The following MSN variants were observed in gnomAD, a reference collection of about 807,000 sequenced individuals.
MSN encodes moesin.
In MSN, 2 loss-of-function variants were observed where a neutral mutation model predicts 48.0. That is an observed-to-expected ratio of 0.04 (90% CI 0.02 to 0.13). The LOEUF (loss-of-function observed/expected upper bound fraction) is 0.13, where lower values mean the gene tolerates loss of function less well. Among genes scored for constraint, MSN ranks in the 10% least tolerant of loss-of-function variants. The pLI, the probability that MSN is intolerant of heterozygous loss-of-function variation, is 1.00. For missense variants in MSN, 267 were observed against 470.1 expected (o/e 0.57, Z 3.99); for synonymous variants, 146 against 166.9 (o/e 0.87, Z 0.97).
chrX:65,661,003 A>C (rs997802545), intron 1 of MSN, among the ~76,000 whole-genome samples: 4 of 105,900 alleles, frequency 3.8e-5, no homozygotes, highest in Non-Finnish European at 7.8e-5. Context: ...TTCCTCTGTC[A>C]CCCAGGCTGG....
chrX:65,608,765 G>T (rs528080381), intron 1 of MSN, among the ~76,000 whole-genome samples: 2 of 111,175 alleles, frequency 1.8e-5, no homozygotes, highest in African/African-American at 6.5e-5. Context: ...CCTCAGCCAT[G>T]TCTCTCTGAA....
chrX:65,614,527 T>C (rs1469828912), intron 1 of MSN, among the ~76,000 whole-genome samples: 2 of 108,828 alleles, frequency 1.8e-5, no homozygotes, highest in South Asian at 4.0e-4. Flanking sequence ...TTTCCCTTTG[T>C]TGTGTCCTCT....
At chrX:65,614,231 T>C (rs1260948990) in intron 1 of MSN, among the ~76,000 whole-genome samples, 2 of 111,783 alleles carry the variant, frequency 1.8e-5, no homozygotes, top group African/African-American at 6.5e-5. Context: ...TTGGTCTATA[T>C]ATCTGTTTTG....
At chrX:65,645,437 G>A (rs1042357975) in intron 1 of MSN, among the ~76,000 whole-genome samples, 3 of 109,472 alleles carry the variant, frequency 2.7e-5, no homozygotes, top group Non-Finnish European at 5.7e-5. Flanking sequence ...CATGTTTGTC[G>A]GGAGTTGAGT....
chrX:65,620,043 C>A (rs958525813), intron 1 of MSN, among the ~76,000 whole-genome samples: 4 of 111,944 alleles, frequency 3.6e-5, no homozygotes, highest in Admixed American at 9.5e-5. Context: ...CAGGGACCCA[C>A]GTGAGGAGGC....
intron 1 of MSN, among the ~76,000 whole-genome samples, chrX:65,662,209 C>A (rs762930973): frequency 8.9e-6 from 1 of 112,314 alleles, no homozygotes; most frequent in South Asian, 3.6e-4. Context: ...CCATACTGCC[C>A]AAAGCAATTT....
intron 1 of MSN, among the ~76,000 whole-genome samples, chrX:65,612,062 G>A: frequency 8.9e-6 from 1 of 111,958 alleles, no homozygotes; most frequent in South Asian, 3.7e-4. Context: ...GTTGTGCTAT[G>A]GTTTGAATGT....
chrX:65,648,984 G>A (rs936023525), intron 1 of MSN, among the ~76,000 whole-genome samples: 4 of 110,742 alleles, frequency 3.6e-5, no homozygotes, highest in African/African-American at 1.3e-4. Context: ...AGGAGAAAAT[G>A]CCAAAGATCC....
At chrX:65,654,885 A>T (rs1293520929) in intron 1 of MSN, among the ~76,000 whole-genome samples, 1 of 111,050 alleles carries the variant, frequency 9.0e-6, no homozygotes, top group Non-Finnish European at 1.9e-5. Context: ...GGAGCTTTTT[A>T]TGCCAGGGTA....
intron 1 of MSN, among the ~76,000 whole-genome samples, chrX:65,613,162 GATGGTT>G (rs2070336008): frequency 1.8e-5 from 2 of 112,125 alleles, no homozygotes; most frequent in African/African-American, 6.5e-5. Flanking sequence ...TGCTGAGAAT[GATGGTT>G]TCCAGCTTCA....
chrX:65,680,836 C>G (rs2071047870), intron 1 of MSN, among the ~76,000 whole-genome samples: 1 of 111,452 alleles, frequency 9.0e-6, no homozygotes, highest in African/African-American at 3.3e-5. Context: ...GCAACCTCCA[C>G]CTCCTGGGTT....
At chrX:65,631,678 T>C (rs1284979353) in intron 1 of MSN, among the ~76,000 whole-genome samples, 1 of 111,092 alleles carries the variant, frequency 9.0e-6, no homozygotes, top group Non-Finnish European at 1.9e-5. Context: ...GGCGCTATTA[T>C]TATTACTTTA....
intron 1 of MSN, among the ~76,000 whole-genome samples, chrX:65,655,358 C>T (rs1312019347): frequency 1.8e-5 from 2 of 111,809 alleles, no homozygotes; most frequent in Non-Finnish European, 3.8e-5. Flanking sequence ...TATGGATTGA[C>T]ACTCTGATTA....
intron 1 of MSN, among the ~76,000 whole-genome samples, chrX:65,661,962 T>C (rs1251008672): frequency 8.9e-6 from 1 of 112,394 alleles, no homozygotes; most frequent in Non-Finnish European, 1.9e-5. Context: ...TGCAATGAGC[T>C]GAGATTGTGC....
At chrX:65,683,390 G>GCCA (rs1437326502) in intron 1 of MSN, among the ~76,000 whole-genome samples, 1 of 92,415 alleles carries the variant, frequency 1.1e-5, no homozygotes, top group Admixed American at 1.1e-4. Flanking sequence ...TGTTGCCGCC[G>GCCA]CCGCCACCAC....
chrX:65,638,637 C>A (rs1484910820), intron 1 of MSN, among the ~76,000 whole-genome samples: 1 of 112,838 alleles, frequency 8.9e-6, no homozygotes, highest in Non-Finnish European at 1.9e-5. Flanking sequence ...TCATGGCAAC[C>A]TCCACCTCCT....
intron 1 of MSN, among the ~76,000 whole-genome samples, chrX:65,639,292 C>T (rs1181901953): frequency 2.7e-5 from 3 of 110,432 alleles, no homozygotes; most frequent in Admixed American, 1.9e-4. Context: ...TACAGGTACC[C>T]GCCACCACAC....
At chrX:65,610,612 T>A (rs1270647916) in intron 1 of MSN, among the ~76,000 whole-genome samples, 1 of 112,000 alleles carries the variant, frequency 8.9e-6, no homozygotes, top group Non-Finnish European at 1.9e-5. Flanking sequence ...TTCTTTTGGG[T>A]GTATACCAAG....
chrX:65,626,040 T>C (rs1371728222), intron 1 of MSN, among the ~76,000 whole-genome samples: 4 of 105,488 alleles, frequency 3.8e-5, no homozygotes, highest in Non-Finnish European at 5.8e-5. Flanking sequence ...CTGCAAGCTC[T>C]GCCTCCCGGG....
Sources: allele counts gnomAD v4.1 joint callset (sites outside exome capture counted in the v4.1 genomes callset), GRCh38; gene constraint gnomAD v4.1.1; transcripts MANE v1.5; gene names NCBI Gene and HGNC (gene_info 2026-07-23, HGNC 2026-07-21).